The following TMEM114 variants were observed in gnomAD, a reference collection of about 807,000 sequenced individuals.
TMEM114 encodes the protein transmembrane protein 114.
In TMEM114, 6 loss-of-function variants were observed where a neutral mutation model predicts 6.2. That is an observed-to-expected ratio of 0.97 (90% CI 0.53 to 1.91). TMEM114 has a LOEUF of 1.91. TMEM114 is among the 40% of genes most tolerant of loss of function. The pLI, the probability that TMEM114 is intolerant of heterozygous loss-of-function variation, is 0.01. For synonymous variants in TMEM114, 104 were observed against 73.0 expected (o/e 1.42, Z -2.16); for missense variants, 218 against 158.3 (o/e 1.38, Z -2.02).
chr16:8,546,229 A>G (rs1292088202), intron 2 of TMEM114, among the ~76,000 whole-genome samples: 2 of 152,222 alleles, frequency 1.3e-5, no homozygotes, highest in African/African-American at 2.4e-5. Flanking sequence ...TTTCAGACTG[A>G]TTGTGTATAC....
At chr16:8,570,132 C>A (rs1054812593) in intron 3 of TMEM114, 127 bp from the exon 4 acceptor site, 14 of 1,291,772 alleles carry the variant, frequency 1.1e-5, no homozygotes, top group Admixed American at 2.6e-5. Flanking sequence ...GCTGCGGGAC[C>A]TTTGCGCGTG....
chr16:8,549,936 C>G (rs1348090504), intron 2 of TMEM114, among the ~76,000 whole-genome samples: 1 of 152,196 alleles, frequency 6.6e-6, no homozygotes, highest in Non-Finnish European at 1.5e-5. Flanking sequence ...AGTAGTGGCT[C>G]AGTCCGAGTC....
At position 8,569,738 on chromosome 16, in the gene TMEM114, G is replaced by T; in HGVS notation, c.*35C>A. The T allele has an allele frequency of 6.6e-7, 1 of 1,523,348 alleles. No individual in the cohort carries two copies. The highest frequency in any genetic ancestry group is 8.9e-7 in the Non-Finnish European group (1 of 1,129,346). The allele number at this position is 1,523,348 out of a possible 1,614,324, so 94.4% of individuals were successfully genotyped here. A position where few individuals can be genotyped will look rare whatever the true frequency, so the allele number is the denominator to read the frequency against. ...TCGGTCGGTGAAGCTCCGGGGCCAA[G>T]CCCCTCCCTCCCCTCCACGACCCAG... On this transcript the variant is annotated 3_prime_UTR_variant, in exon 4 of 4. Transcript: ENST00000620492.
chr16:8,580,117 C>G (rs530327526), intron 2 of TMEM114, among the ~76,000 whole-genome samples: 5 of 152,124 alleles, frequency 3.3e-5, no homozygotes, highest in African/African-American at 1.2e-4. Context: ...ACAAGCCACA[C>G]TAATGAGAAA....
chr16:8,579,227 C>G (rs558163658), intron 2 of TMEM114, among the ~76,000 whole-genome samples: 2 of 152,290 alleles, frequency 1.3e-5, no homozygotes, highest in South Asian at 2.1e-4. Flanking sequence ...CTTGTGAGGT[C>G]AGGAAGCCCC....
chr16:8,546,383 T>C (rs1203461981), intron 2 of TMEM114, among the ~76,000 whole-genome samples: 1 of 152,184 alleles, frequency 6.6e-6, no homozygotes, highest in Non-Finnish European at 1.5e-5. Flanking sequence ...TAGGTTTACA[T>C]GTTTACCTGA....
chr16:8,545,059 T>C (rs1035464139), intron 2 of TMEM114, among the ~76,000 whole-genome samples: 1 of 152,158 alleles, frequency 6.6e-6, no homozygotes, highest in African/African-American at 2.4e-5. Flanking sequence ...TCAGATGGTC[T>C]TGTCTTTTGT....
chr16:8,561,933 TG>T (rs1325997181), intron 2 of TMEM114, among the ~76,000 whole-genome samples: 1 of 150,226 alleles, frequency 6.7e-6, no homozygotes, highest in Non-Finnish European at 1.5e-5. Flanking sequence ...AATGAGTGAG[TG>T]AGTAAGTGAA....
downstream of TMEM114, among the ~76,000 whole-genome samples, chr16:8,566,284 G>C (rs532817005): frequency 8.4e-4 from 128 of 152,158 alleles, no homozygotes; most frequent in African/African-American, 2.9e-3. Flanking sequence ...GGCTGAGGCA[G>C]GAGAATCACT....
At chr16:8,536,730 A>G (rs945243207), downstream of TMEM114, among the ~76,000 whole-genome samples, 2 of 151,972 alleles carry the variant, frequency 1.3e-5, no homozygotes, top group South Asian at 4.2e-4. Context: ...TGTACCAGGC[A>G]TTTAGCTCAG....
At position 8,589,954 on chromosome 16, in the gene TMEM114, G is replaced by T. The variant is rs1197940256; in HGVS notation, c.-116C>A. The stretch of plus-strand genomic sequence containing the variant: ...TCCCAGCTCCACCGCCGCCAGAGCC[G>T]CGGAGCTCAGATCTGAAAGCCTTTC... On this transcript the variant is annotated 5_prime_UTR_variant, in exon 1 of 4. Coordinates refer to ENST00000620492, the MANE Select transcript of TMEM114 (RefSeq NM_001146336.2). The T allele has an allele frequency of 2.6e-5, 10 of 387,098 alleles. No individual in the cohort carries two copies. The highest frequency in any genetic ancestry group is 3.6e-5 in the Non-Finnish European group (8 of 219,294). 24.0% of individuals were successfully genotyped at this position (387,098 alleles called of 1,614,324 possible). A position where few individuals can be genotyped will look rare whatever the true frequency, so the allele number is the denominator to read the frequency against.
At chr16:8,571,033 T>A (rs1347709173) in intron 3 of TMEM114, among the ~76,000 whole-genome samples, 26 of 152,070 alleles carry the variant, frequency 1.7e-4, no homozygotes, top group Admixed American at 1.7e-3. Flanking sequence ...TTAGAGGAGA[T>A]GAGAACTTTG....
Position 8,569,906 on chromosome 16 carries a change from T to A in TMEM114, c.539A>T (p.Gln180Leu). 1.2e-5 allele frequency: 19 copies of A among 1,551,200 alleles called. No individual in the cohort carries two copies. Among genetic ancestry groups the A allele is most frequent in the Non-Finnish European group, 1.6e-5 (18 of 1,146,942 alleles). Residue 180 changes from glutamine to leucine, a missense_variant, in exon 4 of 4, where the codon CAG becomes CTG. Transcript: ENST00000620492. ...GGACCAGCCGAAGCTGATGTCCACC[T>A]GGTCCAGGAGGGCCTTCTCCTCCAA... ...CLLEEKALLD[Q>L]VDISFGWSLA...
At chr16:8,536,523 C>G (rs914394318), downstream of TMEM114, among the ~76,000 whole-genome samples, 2 of 152,146 alleles carry the variant, frequency 1.3e-5, no homozygotes, top group African/African-American at 4.8e-5. Context: ...TAATTTATTA[C>G]TAAAATCAGC....
intron 2 of TMEM114, among the ~76,000 whole-genome samples, chr16:8,584,247 C>T (rs916026003): frequency 1.3e-5 from 2 of 152,160 alleles, no homozygotes; most frequent in African/African-American, 4.8e-5. Flanking sequence ...TTTATTGAAG[C>T]CAGTAAGATT....
At chr16:8,589,350 T>A (rs1440898580) in intron 1 of TMEM114, 57 bp from the exon 2 acceptor site, 1 of 398,808 alleles carries the variant, frequency 2.5e-6, no homozygotes, top group East Asian at 3.6e-5. Context: ...TGCAGCACCC[T>A]CGTCTGCGGC....
At chr16:8,551,597 A>T (rs967700450) in intron 2 of TMEM114, among the ~76,000 whole-genome samples, 1 of 152,240 alleles carries the variant, frequency 6.6e-6, no homozygotes, top group Non-Finnish European at 1.5e-5. Flanking sequence ...GTATCCTCAG[A>T]TTTAACCATA....
At chr16:8,563,494 T>C (rs1480297874) in intron 2 of TMEM114, among the ~76,000 whole-genome samples, 3 of 150,876 alleles carry the variant, frequency 2.0e-5, no homozygotes, top group African/African-American at 7.4e-5. Flanking sequence ...AGTGAATGAG[T>C]GACTGAGGGA....
At chr16:8,583,811 C>T (rs564771848) in intron 2 of TMEM114, among the ~76,000 whole-genome samples, 16 of 152,228 alleles carry the variant, frequency 1.1e-4, no homozygotes, top group South Asian at 4.1e-4. Flanking sequence ...GATGTAGGCG[C>T]GTGTGGGTTT....
Sources: allele counts gnomAD v4.1 joint callset (sites outside exome capture counted in the v4.1 genomes callset), GRCh38; gene constraint gnomAD v4.1.1; transcripts MANE v1.5; gene names NCBI Gene and HGNC (gene_info 2026-07-23, HGNC 2026-07-21).